CXXC5: variants seen among roughly 807,000 people sequenced by gnomAD.
CXXC5 encodes the protein CXXC-type zinc finger protein 5.
A neutral mutation model predicts 17.6 loss-of-function variants in CXXC5; 2 were observed. The observed-to-expected ratio is 0.11, with a 90% CI of 0.05 to 0.36. The LOEUF (loss-of-function observed/expected upper bound fraction) is 0.36, where lower values mean the gene tolerates loss of function less well. Ranked by LOEUF, CXXC5 falls within the 10% of genes least tolerant of loss-of-function variation. The pLI is 1.00. For missense variants in CXXC5, 343 were observed against 458.3 expected (o/e 0.75, Z 2.30); for synonymous variants, 171 against 193.0 (o/e 0.89, Z 0.94).
rs1169580953 is a variant in CXXC5, at chr5:139,670,579, A to G, written c.-160-9785A>G. 6.6e-6 allele frequency among the ~76,000 whole-genome samples: 1 copy of G among 152,208 alleles called. No individual in the cohort carries two copies. Among genetic ancestry groups the G allele is most frequent in the African/African-American group, 2.4e-5 (1 of 41,442 alleles). The stretch of plus-strand genomic sequence containing the variant: ...GACACAACTCACAGTGCATGCGGAC[A>G]TACACACACTGGCATTCATGCGGCA... On this transcript the variant is annotated intron_variant, in intron 1 of 2. Transcript: ENST00000302517. The surrounding 1 kb of genome is among the most constrained non-coding windows in gnomAD (Gnocchi z 4.2).
At chr5:139,649,482 C>T (rs1201656458) in intron 1 of CXXC5, 1 of 152,248 alleles carries the variant, frequency 6.6e-6, no homozygotes, top group Non-Finnish European at 1.5e-5. Flanking sequence ...GTGGCTGAGC[C>T]TCCCCCACCA....
intron 1 of CXXC5, among the ~76,000 whole-genome samples, chr5:139,666,575 G>C (rs1467987954): frequency 6.6e-6 from 1 of 152,220 alleles, no homozygotes; most frequent in Non-Finnish European, 1.5e-5. Context: ...GACAGGTCAG[G>C]GATACTGAGC....
intron 1 of CXXC5, among the ~76,000 whole-genome samples, chr5:139,674,325 A>G (rs1756656617): frequency 1.3e-5 from 2 of 152,088 alleles, no homozygotes; most frequent in Admixed American, 6.5e-5. Context: ...TGCTTTGCCC[A>G]CCATCAGCCT....
At position 139,681,579 on chromosome 5, in the gene CXXC5, CCTGGGGGT is replaced by C. The variant is rs1757242990; in HGVS notation, c.924+137_924+144del. 4.3e-6 allele frequency: 5 copies of C among 1,150,418 alleles called. No homozygotes were observed. In the African/African-American group the frequency reaches 6.3e-5, roughly 14 times the overall value. The allele number at this position is 1,150,418 out of a possible 1,614,324, so 71.3% of individuals were successfully genotyped here. ...GGATGCCCCCTCCCAGTCCTTGGGG[CCTGGGGGT>C]CTGGCTTCAAGACACCAGTTTACTG... On this transcript the variant is annotated intron_variant, in intron 2 of 2. Transcript: ENST00000302517.
At chr5:139,647,922 G>A (rs1754952795), upstream of CXXC5, 1 of 152,020 alleles carries the variant, frequency 6.6e-6, no homozygotes, top group Admixed American at 6.5e-5. Flanking sequence ...GAGCTGGGGG[G>A]CGCGGCCAAA....
chr5:139,662,890 G>A (rs563236741), intron 1 of CXXC5, among the ~76,000 whole-genome samples: 64 of 152,308 alleles, frequency 4.2e-4, no homozygotes, highest in African/African-American at 1.5e-3. Context: ...TCTCAAAACC[G>A]CAGGACCTGA....
intron 1 of CXXC5, among the ~76,000 whole-genome samples, chr5:139,669,177 G>A (rs116736980): frequency 6.6e-6 from 1 of 152,156 alleles, no homozygotes; most frequent in African/African-American, 2.4e-5. Flanking sequence ...ATTTTTCCTC[G>A]GGGAAGCAGT....
intron 1 of CXXC5, among the ~76,000 whole-genome samples, chr5:139,674,507 C>T (rs1415216139): frequency 6.6e-6 from 1 of 152,182 alleles, no homozygotes; most frequent in Non-Finnish European, 1.5e-5. Context: ...GAAACGCAGC[C>T]TCTTCCACGA....
At position 139,668,017 on chromosome 5, in the gene CXXC5, T is replaced by G. The variant is rs1483513929; in HGVS notation, c.-160-12347T>G. 6.6e-6 allele frequency among the ~76,000 whole-genome samples: 1 copy of G among 152,122 alleles called. No individual in the cohort carries two copies. Among genetic ancestry groups the G allele is most frequent in the African/African-American group, 2.4e-5 (1 of 41,434 alleles). ...AGAGGGCCTGGGTTTTAATTTTTGC[T>G]GCAGGGTCCCACCTGCCCGAGGCCT... On this transcript the variant is annotated intron_variant, in intron 1 of 2. Transcript: ENST00000302517. The surrounding 1 kb of genome is among the most constrained non-coding windows in gnomAD (Gnocchi z 4.1).
intron 1 of CXXC5, among the ~76,000 whole-genome samples, chr5:139,659,927 C>A (rs1755695926): frequency 6.6e-6 from 1 of 152,354 alleles, no homozygotes; most frequent in Non-Finnish European, 1.5e-5. Context: ...GGAGGCGCAG[C>A]AGGCTCAGAA....
rs1468909157 is a variant in CXXC5 at position 139,658,477 on chromosome 5, G to C, written c.-161+9632G>C. 6.6e-6 allele frequency among the ~76,000 whole-genome samples: 1 copy of C among 152,096 alleles called. No individual in the cohort carries two copies. The highest frequency in any genetic ancestry group is 1.5e-5 in the Non-Finnish European group (1 of 67,998). On this transcript the variant is annotated intron_variant, in intron 1 of 2. Coordinates refer to ENST00000302517, the MANE Select transcript of CXXC5 (RefSeq NM_016463.9). This position sits in a 1 kb window ranked among gnomAD's most constrained non-coding sequence, Gnocchi z 4.1. ...GTGACATGAGCCCATACCTGGGACA[G>C]AAATACCTGTTCTGCCCCTAGCCAG...
At chr5:139,672,368 T>A (rs911312964) in intron 1 of CXXC5, among the ~76,000 whole-genome samples, 2 of 152,242 alleles carry the variant, frequency 1.3e-5, no homozygotes, top group African/African-American at 4.8e-5. Context: ...TCCACCTGCC[T>A]CGGCTTCCCA....
chr5:139,662,889 C>T (rs918151283), intron 1 of CXXC5, among the ~76,000 whole-genome samples: 3 of 152,192 alleles, frequency 2.0e-5, no homozygotes, highest in East Asian at 3.8e-4. Context: ...GTCTCAAAAC[C>T]GCAGGACCTG....
At position 139,682,895 on chromosome 5, in the gene CXXC5, G is replaced by A; in HGVS notation, c.957G>A (p.Arg319=). The change falls in exon 3 of 3, where the codon CGG becomes CGA. Residue 319 remains arginine, a synonymous_variant. Coordinates refer to ENST00000302517, the MANE Select transcript of CXXC5 (RefSeq NM_016463.9). ...TGCTTCCGACGGGAGCCGCCTTCCG[G>A]TGGTTTCAGTGACGGCGGCGGAACC... is the stretch of plus-strand genomic sequence containing the variant. ...KVMLPTGAAF[R]WFQ 6.3e-7 allele frequency: 1 copy of A among 1,593,912 alleles called. No homozygotes were observed. Among genetic ancestry groups the A allele is most frequent in the Non-Finnish European group, 8.5e-7 (1 of 1,169,670 alleles).
intron 1 of CXXC5, among the ~76,000 whole-genome samples, chr5:139,660,943 G>A (rs1001497854): frequency 4.6e-5 from 7 of 151,144 alleles, no homozygotes; most frequent in African/African-American, 1.2e-4. Flanking sequence ...GGTGGCCGGC[G>A]GGACAGGCAA....
chr5:139,682,519 A>G (rs1757299857), intron 2 of CXXC5, among the ~76,000 whole-genome samples: 1 of 152,180 alleles, frequency 6.6e-6, no homozygotes, highest in Non-Finnish European at 1.5e-5. Context: ...GCACACACCC[A>G]TATGCACACC....
chr5:139,652,929 T>C (rs1051562191), intron 1 of CXXC5, among the ~76,000 whole-genome samples: 2 of 152,054 alleles, frequency 1.3e-5, no homozygotes, highest in African/African-American at 4.8e-5. Context: ...AATGTGGGAG[T>C]GGGCCTGTCT....
At chr5:139,651,775 C>G (rs1428710789) in intron 1 of CXXC5, among the ~76,000 whole-genome samples, 1 of 152,096 alleles carries the variant, frequency 6.6e-6, no homozygotes, top group African/African-American at 2.4e-5. Flanking sequence ...AGACCCAAGC[C>G]TGGGTTCCTA....
intron 2 of CXXC5, among the ~76,000 whole-genome samples, chr5:139,682,500 T>C (rs1446255601): frequency 6.6e-6 from 1 of 152,146 alleles, no homozygotes; most frequent in African/African-American, 2.4e-5. Context: ...CAGCTCAGCA[T>C]AGCACGAGGC....
Sources: allele counts gnomAD v4.1 joint callset (sites outside exome capture counted in the v4.1 genomes callset), GRCh38; gene constraint gnomAD v4.1.1; non-coding constraint Gnocchi (gnomAD v3.1); transcripts MANE v1.5; gene names NCBI Gene and HGNC (gene_info 2026-07-23, HGNC 2026-07-21).